CSMD1: variants seen among roughly 807,000 people sequenced by gnomAD.
The protein encoded by CSMD1 is CUB and Sushi multiple domains 1.
A neutral mutation model predicts 417.5 loss-of-function variants in CSMD1; 213 were observed. The observed-to-expected ratio is 0.51, with a 90% confidence interval of 0.46 to 0.57. The LOEUF (loss-of-function observed/expected upper bound fraction) is 0.57. CSMD1 is among the 20% of genes least tolerant of loss of function. The probability of loss-of-function intolerance (pLI) is 0.00; values close to 1 mark genes in which losing one functional copy is unlikely to be tolerated. For synonymous variants in CSMD1, 2,862 were observed against 1,736.8 expected, an observed-to-expected ratio of 1.65 and a Z score of -16.11; for missense variants, 6,923 against 4,529.7, an observed-to-expected ratio of 1.53 and a Z score of -15.17.
chr8:4,159,804 A>G (rs1647290), intron 3 of CSMD1, among the ~76,000 whole-genome samples: 152,152 of 152,264 alleles, frequency 1, 76,021 homozygotes, highest in Middle Eastern at 1. Context: ...TAGCCAGGAT[A>G]GGGAGACCAT....
At chr8:4,069,634 C>G (rs1054410092) in intron 3 of CSMD1, among the ~76,000 whole-genome samples, 1 of 152,146 alleles carries the variant, frequency 6.6e-6, no homozygotes, top group African/African-American at 2.4e-5. Flanking sequence ...TCCCCTCAAG[C>G]CTCTGCAGCT....
At position 3,824,412 on chromosome 8, in the gene CSMD1, A is replaced by G. The variant is rs542556623; in HGVS notation, c.819-70370T>C. 1.1e-4 allele frequency among the ~76,000 whole-genome samples: 17 copies of G among 152,298 alleles called. No homozygotes were observed. In the South Asian group the frequency reaches 3.5e-3, roughly 32 times the overall value. On this transcript the variant is annotated intron_variant, in intron 5 of 69. Coordinates refer to ENST00000635120, the MANE Select transcript of CSMD1 (RefSeq NM_033225.6). Reference sequence around the variant, plus strand: ...AGAGTGGCAAAGCTCCCAATGGGAAAGATGAATAGACATTACAATCCTGTG... The same window carrying G: ...AGAGTGGCAAAGCTCCCAATGGGAAGGATGAATAGACATTACAATCCTGTG...
At chr8:3,211,210 A>C (rs76085438) in intron 30 of CSMD1, among the ~76,000 whole-genome samples, 1 of 151,972 alleles carries the variant, frequency 6.6e-6, no homozygotes, top group African/African-American at 2.4e-5. Context: ...CCACACAGCT[A>C]ATTTTAATTT....
At chr8:4,056,564 T>C (rs1028085848) in intron 3 of CSMD1, among the ~76,000 whole-genome samples, 1 of 152,050 alleles carries the variant, frequency 6.6e-6, no homozygotes, top group African/African-American at 2.4e-5. Flanking sequence ...GTTTAAGTTT[T>C]AGGGTACATG....
intron 2 of CSMD1, among the ~76,000 whole-genome samples, chr8:4,448,344 T>G (rs1434795366): frequency 1.3e-5 from 2 of 152,216 alleles, no homozygotes; most frequent in African/African-American, 4.8e-5. Context: ...AAAAGCCTTC[T>G]GCACTAACTC....
At chr8:4,279,621 C>T (rs753759426) in intron 3 of CSMD1, among the ~76,000 whole-genome samples, 2 of 152,120 alleles carry the variant, frequency 1.3e-5, no homozygotes, top group East Asian at 1.9e-4. Flanking sequence ...AGGATAAATG[C>T]TTAACTTTGG....
intron 5 of CSMD1, among the ~76,000 whole-genome samples, chr8:3,967,148 G>C (rs1812728959): frequency 6.6e-6 from 1 of 152,158 alleles, no homozygotes; most frequent in Non-Finnish European, 1.5e-5. Context: ...GCATCTTTCT[G>C]CTACTTAAAA....
Position 3,308,454 on chromosome 8 carries a change from A to G in CSMD1, c.3681T>C (p.Tyr1227=), listed in dbSNP as rs1035652461. The G allele has an allele frequency of 1.9e-6, 3 of 1,613,610 alleles. No homozygotes were observed. Among genetic ancestry groups the G allele is most frequent in the African/African-American group, 2.7e-5 (2 of 74,932 alleles). Residue 1227 remains tyrosine, a synonymous_variant, in exon 24 of 70, where the codon TAT becomes TAC. Coordinates refer to ENST00000635120, the MANE Select transcript of CSMD1 (RefSeq NM_033225.6). ...CEDPGIPNYG[Y]RIRDEGHFTD... ...TAAAGTGGCCTTCATCACGGATCCTATAGCCGTAGTTAGGGATGCCCGGAT... is the reference window on the plus strand; with the variant it reads ...TAAAGTGGCCTTCATCACGGATCCTGTAGCCGTAGTTAGGGATGCCCGGAT...
chr8:4,337,950 A>C (rs970918600), intron 3 of CSMD1, among the ~76,000 whole-genome samples: 1 of 152,166 alleles, frequency 6.6e-6, no homozygotes, highest in East Asian at 1.9e-4. Flanking sequence ...CGCATTTCTC[A>C]ACCTTTTTAA....
chr8:4,357,445 C>T (rs1801494615), intron 3 of CSMD1, among the ~76,000 whole-genome samples: 1 of 152,100 alleles, frequency 6.6e-6, no homozygotes, highest in African/African-American at 2.4e-5. Context: ...TATTTTATCA[C>T]CTCCAAGATA....
intron 2 of CSMD1, among the ~76,000 whole-genome samples, chr8:4,445,178 T>A (rs1798710185): frequency 2.0e-5 from 3 of 152,076 alleles, no homozygotes. Flanking sequence ...TCTGACACCT[T>A]TTTTTTAATG....
At chr8:4,330,586 T>G (rs1799812114) in intron 3 of CSMD1, among the ~76,000 whole-genome samples, 1 of 95,948 alleles carries the variant, frequency 1.0e-5, no homozygotes, top group African/African-American at 3.0e-5. Context: ...TGAAACCCTG[T>G]CTCAAAAAAA....
chr8:2,936,463 CA>C lies in CSMD1; in HGVS notation c.*2121del. On this transcript the variant is annotated 3_prime_UTR_variant, in exon 70 of 70. Transcript: ENST00000635120. ...ACACGAGCCTCCTCACACTTTCAATCATCTTCTGTTTCGTTCAATGTGTGTG... is the reference window on the plus strand; with the variant it reads ...ACACGAGCCTCCTCACACTTTCAATCTCTTCTGTTTCGTTCAATGTGTGTG... 6.6e-6 allele frequency: 1 copy of C among 151,558 alleles called. No individual in the cohort carries two copies. The highest frequency in any genetic ancestry group is 2.0e-4 in the East Asian group (1 of 5,112). 9.4% of individuals were successfully genotyped at this position (151,558 alleles called of 1,614,324 possible).
chr8:3,848,788 A>G (rs530526889), intron 5 of CSMD1, among the ~76,000 whole-genome samples: 1 of 152,214 alleles, frequency 6.6e-6, no homozygotes, highest in South Asian at 2.1e-4. Context: ...AGTACTGTAG[A>G]AAAAAATGAT....
At chr8:3,664,419 C>T (rs1322591978) in intron 7 of CSMD1, among the ~76,000 whole-genome samples, 1 of 152,170 alleles carries the variant, frequency 6.6e-6, no homozygotes, top group East Asian at 1.9e-4. Context: ...CAGTTCTCTT[C>T]CAAAACCATG....
intron 3 of CSMD1, among the ~76,000 whole-genome samples, chr8:4,364,494 A>G (rs1325473870): frequency 6.6e-6 from 1 of 152,174 alleles, no homozygotes; most frequent in Non-Finnish European, 1.5e-5. Flanking sequence ...CTTGCTTTCT[A>G]GAAGACTCTA....
chr8:3,499,858 G>A (rs531300003), intron 10 of CSMD1, among the ~76,000 whole-genome samples: 22 of 152,222 alleles, frequency 1.4e-4, no homozygotes, highest in Middle Eastern at 3.4e-3. Context: ...TAGTTCTTCT[G>A]TCCTGAAAAT....
intron 49 of CSMD1, among the ~76,000 whole-genome samples, chr8:3,070,545 A>G (rs1337612876): frequency 1.3e-5 from 2 of 152,194 alleles, no homozygotes; most frequent in Non-Finnish European, 2.9e-5. Context: ...AGGGAAGGGG[A>G]AAGATGCAGC....
At chr8:3,830,018 G>A (rs1008122938) in intron 5 of CSMD1, among the ~76,000 whole-genome samples, 2 of 152,044 alleles carry the variant, frequency 1.3e-5, no homozygotes, top group Admixed American at 6.6e-5. Flanking sequence ...CAAGGTAAGT[G>A]GATTTCAGGT....
Sources: gnomAD v4.1 joint callset for allele counts (sites outside exome capture counted in the v4.1 genomes callset) on GRCh38, gnomAD v4.1.1 for gene constraint, MANE v1.5 for transcripts, NCBI Gene and HGNC (gene_info 2026-07-23, HGNC 2026-07-21) for gene names.